The following KCNQ2 variants were observed in gnomAD, a reference collection of about 807,000 sequenced individuals.
KCNQ2 encodes potassium voltage-gated channel subfamily Q member 2.
In KCNQ2, 14 loss-of-function variants were observed where a neutral mutation model predicts 84.8. The observed-to-expected ratio is 0.17, with a 90% CI of 0.11 to 0.26. KCNQ2 has a LOEUF of 0.26. Among genes scored for constraint, KCNQ2 ranks in the 10% least tolerant of loss-of-function variants. KCNQ2 has a pLI of 1.00. For missense variants in KCNQ2, 788 were observed against 1,254.0 expected, an observed-to-expected ratio of 0.63 and a Z score of 5.61; for synonymous variants, 599 against 554.1, an observed-to-expected ratio of 1.08 and a Z score of -1.14.
At chr20:63,427,788 G>A (rs1328344353) in intron 10 of KCNQ2, among the ~76,000 whole-genome samples, 2 of 152,222 alleles carry the variant, frequency 1.3e-5, no homozygotes, top group African/African-American at 2.4e-5. Flanking sequence ...GCAGAAGAGT[G>A]TCTCTAGGAG....
At chr20:63,412,603 C>T (rs1404011959) in intron 15 of KCNQ2, among the ~76,000 whole-genome samples, 1 of 152,236 alleles carries the variant, frequency 6.6e-6, no homozygotes, top group Non-Finnish European at 1.5e-5. Flanking sequence ...GGGCTCTCGA[C>T]TTCCTCAGAT....
chr20:63,438,226 A>C lies in KCNQ2; in HGVS notation c.1023+399T>G. 1 of 328,036 alleles carries C rather than the reference A, an allele frequency of 3.0e-6. No homozygotes were observed. The highest frequency in any genetic ancestry group is 5.9e-6 in the Non-Finnish European group (1 of 169,548). 20.3% of individuals were successfully genotyped at this position (328,036 alleles called of 1,614,324 possible). On this transcript the variant is annotated intron_variant, in intron 7 of 16. Transcript: ENST00000359125. The surrounding 1 kb of genome is among the most constrained non-coding windows in gnomAD (Gnocchi z 5.1). ...ACTGGGTGGGGTCCGGGCGGGCATC[A>C]TGGGGGCCCACAGCCAGCATCAGGG...
intron 15 of KCNQ2, chr20:63,411,719 G>A (rs1395836600): frequency 5.2e-6 from 3 of 579,154 alleles, no homozygotes; most frequent in Non-Finnish European, 9.3e-6. Flanking sequence ...CATGTGGCCT[G>A]GAGCGAAGGG....
chr20:63,420,671 C>T (rs1277357943), intron 11 of KCNQ2, among the ~76,000 whole-genome samples: 1 of 152,174 alleles, frequency 6.6e-6, no homozygotes, highest in Non-Finnish European at 1.5e-5. Flanking sequence ...GTCACAGACA[C>T]GGCTAGCTCC....
intron 10 of KCNQ2, among the ~76,000 whole-genome samples, chr20:63,424,833 G>A (rs533160580): frequency 1.3e-5 from 2 of 152,230 alleles, no homozygotes; most frequent in South Asian, 2.1e-4. Flanking sequence ...GAGATCGGCG[G>A]ATCGTGATTT....
intron 1 of KCNQ2, among the ~76,000 whole-genome samples, chr20:63,456,628 C>T (rs1418515801): frequency 6.6e-6 from 1 of 152,174 alleles, no homozygotes; most frequent in African/African-American, 2.4e-5. Flanking sequence ...CTAAGCTTCT[C>T]AGCACACCCA....
chr20:63,413,485 C>CA lies in KCNQ2; in HGVS notation c.1727dup (p.Asp577GlyfsTer7). ...GGCTCTTAATTCGGGACAGCATGTCCAGGTGGCCGGCTGAGTACTGCTCGA... is the reference window on the plus strand; with the variant it reads ...GGCTCTTAATTCGGGACAGCATGTCCAAGGTGGCCGGCTGAGTACTGCTCGA... On this transcript the variant is annotated frameshift_variant, in exon 15 of 17. Coordinates refer to ENST00000359125, the MANE Select transcript of KCNQ2 (RefSeq NM_172107.4). LOFTEE classifies it high-confidence loss of function. 1 of 1,613,394 alleles carries CA rather than the reference C, an allele frequency of 6.2e-7. No homozygotes were observed. Among genetic ancestry groups the CA allele is most frequent in the Non-Finnish European group, 8.5e-7 (1 of 1,180,016 alleles).
intron 7 of KCNQ2, among the ~76,000 whole-genome samples, chr20:63,435,974 G>A (rs1465923333): frequency 6.8e-6 from 1 of 146,902 alleles, no homozygotes; most frequent in Non-Finnish European, 1.5e-5. Context: ...CATTTGACAT[G>A]TGTGTGGTTT....
At chr20:63,416,384 A>C (rs913105611) in intron 12 of KCNQ2, among the ~76,000 whole-genome samples, 1 of 151,784 alleles carries the variant, frequency 6.6e-6, no homozygotes, top group African/African-American at 2.4e-5. Flanking sequence ...AGGGGAGGGG[A>C]GGGTTCACTG....
At chr20:63,445,071 A>G (rs1386683226) in intron 3 of KCNQ2, among the ~76,000 whole-genome samples, 167 bp downstream of exon 3, 3 of 152,156 alleles carry the variant, frequency 2.0e-5, no homozygotes, top group East Asian at 3.9e-4. Context: ...AGGCAGAGTT[A>G]ACCACAGCCT....
At position 63,446,149 on chromosome 20, in the gene KCNQ2, T is replaced by C; in HGVS notation, c.387+598A>G. 3.6e-6 allele frequency: 1 copy of C among 277,136 alleles called. No individual in the cohort carries two copies. Among genetic ancestry groups the C allele is most frequent in the Non-Finnish European group, 7.0e-6 (1 of 143,156 alleles). 17.2% of individuals were successfully genotyped at this position (277,136 alleles called of 1,614,324 possible). A position where few individuals can be genotyped will look rare whatever the true frequency, so the allele number is the denominator to read the frequency against. On this transcript the variant is annotated intron_variant, in intron 2 of 16. Coordinates refer to ENST00000359125, the MANE Select transcript of KCNQ2 (RefSeq NM_172107.4). The surrounding 1 kb of genome is among the most constrained non-coding windows in gnomAD (Gnocchi z 5.5). ...TGAGTTGGGGGGTGCACAGCAGGGC[T>C]GAGCTGAGGGAAGGCCCCAGGTAAC... is the stretch of plus-strand genomic sequence containing the variant.
In KCNQ2 at chr20:63,437,954, C is replaced by T. The variant is rs141648338; in HGVS notation, c.1023+671G>A. 9.2e-3 allele frequency among the ~76,000 whole-genome samples: 1,407 copies of T among 152,236 alleles called. 22 individuals are homozygous for T. Among genetic ancestry groups the T allele is most frequent in the African/African-American group, 0.031 (1,283 of 41,540 alleles). On this transcript the variant is annotated intron_variant, in intron 7 of 16. Coordinates refer to ENST00000359125, the MANE Select transcript of KCNQ2 (RefSeq NM_172107.4). ...CCTCCCGAGTAGCTGGGATTACAGA[C>T]GCACGCCACCACGCCCAGCTAATTT...
At chr20:63,423,236 G>A (rs1032649345) in intron 11 of KCNQ2, among the ~76,000 whole-genome samples, 2 of 152,184 alleles carry the variant, frequency 1.3e-5, no homozygotes, top group African/African-American at 4.8e-5. Context: ...TGGGGTGGCT[G>A]GAAAAATGCA....
chr20:63,413,175 A>G (rs2080175335), intron 15 of KCNQ2: 1 of 505,086 alleles, frequency 2.0e-6, no homozygotes, highest in Non-Finnish European at 3.8e-6. Flanking sequence ...CGTGACTTAC[A>G]CACACACACA....
rs528172983 is a variant in KCNQ2 at position 63,407,846 on chromosome 20, C to T, written c.1888-471G>A. ...GGAGCAGCTCTTCCTCCTTCCCAGACCCCTAGGGGCAAAGCCTCCAGCTCC... is the reference window on the plus strand; with the variant it reads ...GGAGCAGCTCTTCCTCCTTCCCAGATCCCTAGGGGCAAAGCCTCCAGCTCC... On this transcript the variant is annotated intron_variant, in intron 16 of 16. Transcript: ENST00000359125. This position sits in a 1 kb window ranked among gnomAD's most constrained non-coding sequence, Gnocchi z 7.2. The T allele has an allele frequency of 2.9e-5, 6 of 204,038 alleles. No homozygotes were observed. Among genetic ancestry groups the T allele is most frequent in the East Asian group, 1.3e-4 (1 of 7,738 alleles). 12.6% of individuals were successfully genotyped at this position (204,038 alleles called of 1,614,324 possible).
rs1210352654 is a variant in KCNQ2, at chr20:63,425,484, C to A, written c.1218-1278G>T. Among the ~76,000 whole-genome samples the A allele has an allele frequency of 2.0e-5, 3 of 152,274 alleles. No individual in the cohort carries two copies. The highest frequency in any genetic ancestry group is 1.9e-4 in the East Asian group (1 of 5,178). ...CCTGTAATCCCAGCACTTTGGGAGG[C>A]CGAGGCGGGTGGATCACCTGAGGTC... On this transcript the variant is annotated intron_variant, in intron 10 of 16. Coordinates refer to ENST00000359125, the MANE Select transcript of KCNQ2 (RefSeq NM_172107.4). The surrounding 1 kb of genome is among the most constrained non-coding windows in gnomAD (Gnocchi z 5.5).
intron 1 of KCNQ2, among the ~76,000 whole-genome samples, chr20:63,467,886 C>G (rs947009504): frequency 6.6e-6 from 1 of 152,124 alleles, no homozygotes; most frequent in Non-Finnish European, 1.5e-5. Context: ...GGAGAGACCG[C>G]GTCTCTGCAG....
intron 1 of KCNQ2, among the ~76,000 whole-genome samples, chr20:63,456,534 C>T (rs1568963418): frequency 6.6e-6 from 1 of 152,152 alleles, no homozygotes; most frequent in Non-Finnish European, 1.5e-5. Context: ...CACCTCACCG[C>T]CACCCTCAGC....
intron 15 of KCNQ2, among the ~76,000 whole-genome samples, chr20:63,409,496 G>A (rs562270918): frequency 6.2e-4 from 94 of 152,348 alleles, no homozygotes; most frequent in African/African-American, 2.1e-3. Context: ...ACCACGGTGG[G>A]TGTGCGCTGA....
Sources: allele counts gnomAD v4.1 joint callset (sites outside exome capture counted in the v4.1 genomes callset), GRCh38; gene constraint gnomAD v4.1.1; non-coding constraint Gnocchi (gnomAD v3.1); transcripts MANE v1.5; gene names NCBI Gene and HGNC (gene_info 2026-07-23, HGNC 2026-07-21).